RIMKLA: variants seen among roughly 807,000 people sequenced by gnomAD.
The protein encoded by RIMKLA is N-acetylaspartylglutamate synthase A.
RIMKLA carries 14 observed loss-of-function variants against 32.7 expected under a neutral mutation model. The ratio of observed to expected loss-of-function variants is 0.43; its 90% CI spans 0.28 to 0.67. RIMKLA has a LOEUF of 0.67. Ranked by LOEUF, RIMKLA falls within the 30% of genes least tolerant of loss-of-function variation. RIMKLA has a pLI of 0.18. For missense variants in RIMKLA, 410 were observed against 519.0 expected, an observed-to-expected ratio of 0.79 and a Z score of 2.04; for synonymous variants, 176 against 204.1, an observed-to-expected ratio of 0.86 and a Z score of 1.18.
rs900595625 is a variant in RIMKLA at position 42,398,948 on chromosome 1, C to T, written c.164-456C>T. Among the ~76,000 whole-genome samples the T allele has an allele frequency of 2.7e-5, 3 of 109,756 alleles. No individual in the cohort carries two copies. The Admixed American group carries it at 3.8e-4, about 14-fold the overall frequency. The allele number at this position is 109,756 out of a possible 152,430, so 72.0% of individuals were successfully genotyped here. A position where few individuals can be genotyped will look rare whatever the true frequency, so the allele number is the denominator to read the frequency against. On this transcript the variant is annotated intron_variant, in intron 1 of 4. Transcript: ENST00000431473. ...TGCCACTGCACTCTAACCTGGGTGA[C>T]AGAGTAAGACCCTGTCTTTAAAAAA...
In RIMKLA at chr1:42,415,464, A is replaced by G. The variant is rs1437712960; in HGVS notation, c.*490A>G. On this transcript the variant is annotated 3_prime_UTR_variant, in exon 5 of 5. Transcript: ENST00000431473. ...GAGGATCGATCTCTGCTCCCCATCA[A>G]TCACCATCTTGACCATATTTCTCCG... 1.3e-5 allele frequency: 2 copies of G among 154,328 alleles called. No individual in the cohort carries two copies. The highest frequency in any genetic ancestry group is 6.4e-5 in the Admixed American group (1 of 15,710). The allele number at this position is 154,328 out of a possible 1,614,324, so 9.6% of individuals were successfully genotyped here. A position where few individuals can be genotyped will look rare whatever the true frequency, so the allele number is the denominator to read the frequency against.
chr1:42,397,163 C>T (rs888929906), intron 1 of RIMKLA, among the ~76,000 whole-genome samples: 2 of 152,124 alleles, frequency 1.3e-5, no homozygotes, highest in African/African-American at 4.8e-5. Context: ...TGTTCCTACC[C>T]CTCCCCTTTT....
chr1:42,414,363 C>A, intron 4 of RIMKLA, 121 bp from the exon 5 acceptor site: 2 of 1,026,982 alleles, frequency 1.9e-6, no homozygotes, highest in Non-Finnish European at 1.4e-6. Context: ...TCCATCCAGA[C>A]CTTTTGTGAT....
intron 1 of RIMKLA, among the ~76,000 whole-genome samples, chr1:42,385,823 CCTTCCTTTCTTTCTTTCTTTCT>C (rs1557749841): frequency 4.6e-5 from 4 of 87,160 alleles, no homozygotes; most frequent in African/African-American, 1.6e-4. Context: ...TTCCTTCCTT[CCTTCCTTTCTTTCTTTCTTTCT>C]CTTTCTTTCT....
intron 4 of RIMKLA, among the ~76,000 whole-genome samples, chr1:42,410,810 T>C (rs1185552276): frequency 1.4e-5 from 2 of 144,744 alleles, no homozygotes; most frequent in African/African-American, 5.0e-5. Context: ...ACTGAATGAG[T>C]TTATATGTTG....
intron 2 of RIMKLA, among the ~76,000 whole-genome samples, chr1:42,402,116 T>A (rs1455531735): frequency 6.6e-6 from 1 of 152,204 alleles, no homozygotes; most frequent in Non-Finnish European, 1.5e-5. Flanking sequence ...TTTTCTTTTT[T>A]AAAAATCATT....
At chr1:42,413,278 G>C (rs1435573875) in intron 4 of RIMKLA, among the ~76,000 whole-genome samples, 1 of 152,046 alleles carries the variant, frequency 6.6e-6, no homozygotes, top group Non-Finnish European at 1.5e-5. Context: ...AAGACAGGTG[G>C]ATCACCTGAG....
rs1386264077 is a variant in RIMKLA at position 42,422,393 on chromosome 1, C to A, written c.*7419C>A. 2 of 152,222 alleles carry A rather than the reference C, an allele frequency of 1.3e-5. No homozygotes were observed. The highest frequency in any genetic ancestry group is 2.9e-5 in the Non-Finnish European group (2 of 68,040). The allele number at this position is 152,222 out of a possible 1,614,324, so 9.4% of individuals were successfully genotyped here. On this transcript the variant is annotated 3_prime_UTR_variant, in exon 5 of 5. Transcript: ENST00000431473. Reference sequence around the variant, plus strand: ...TTCCCTCCAGGAAAGTGGACTGTAGCTTTTCCTGCCTAACTGGCAAAATGA... The same window carrying A: ...TTCCCTCCAGGAAAGTGGACTGTAGATTTTCCTGCCTAACTGGCAAAATGA...
At position 42,420,389 on chromosome 1, in the gene RIMKLA, C is replaced by T. The variant is rs1472220697; in HGVS notation, c.*5415C>T. On this transcript the variant is annotated 3_prime_UTR_variant, in exon 5 of 5. Coordinates refer to ENST00000431473, the MANE Select transcript of RIMKLA (RefSeq NM_173642.4). ...AGATGCTACAACAGTGCAGACTCGGCACCCCATTTATAGAATGTTCTTTTT... is the reference window on the plus strand; with the variant it reads ...AGATGCTACAACAGTGCAGACTCGGTACCCCATTTATAGAATGTTCTTTTT... The T allele has an allele frequency of 6.6e-6, 1 of 152,166 alleles. No individual in the cohort carries two copies. Among genetic ancestry groups the T allele is most frequent in the Non-Finnish European group, 1.5e-5 (1 of 68,028 alleles). 9.4% of individuals were successfully genotyped at this position (152,166 alleles called of 1,614,324 possible). A position where few individuals can be genotyped will look rare whatever the true frequency, so the allele number is the denominator to read the frequency against.
chr1:42,386,569 C>T (rs186325304), intron 1 of RIMKLA, among the ~76,000 whole-genome samples: 7 of 132,912 alleles, frequency 5.3e-5, no homozygotes, highest in South Asian at 2.3e-4. Context: ...TTATAGAGAC[C>T]CTGTCTCTAT....
rs1643252664 is a variant in RIMKLA, at chr1:42,416,827, G to T, written c.*1853G>T. 1.3e-5 allele frequency: 2 copies of T among 152,228 alleles called. No individual in the cohort carries two copies. Among genetic ancestry groups the T allele is most frequent in the African/African-American group, 4.8e-5 (2 of 41,456 alleles). The allele number at this position is 152,228 out of a possible 1,614,324, so 9.4% of individuals were successfully genotyped here. ...AACCAGATCTCACCAAGTAATAGTT[G>T]TGCAATTGACAAATGTTTGGTGCCA... is the stretch of plus-strand genomic sequence containing the variant. On this transcript the variant is annotated 3_prime_UTR_variant, in exon 5 of 5. Transcript: ENST00000431473.
rs1215520172 is a variant in RIMKLA at position 42,381,012 on chromosome 1, C to G, written c.78C>G (p.Leu26=). ...CGCAGGTGCAGATCCTGCGCGCCCTCCGGCAGCGCTGCTCCGAGCAGGACG... is the reference window on the plus strand; with the variant it reads ...CGCAGGTGCAGATCCTGCGCGCCCTGCGGCAGCGCTGCTCCGAGCAGGACG... ...DYPQVQILRA[L]RQRCSEQDVR... Residue 26 remains leucine (L), a synonymous_variant, in exon 1 of 5, where the codon CTC becomes CTG. Transcript: ENST00000431473. 27 of 1,428,854 alleles carry G rather than the reference C, an allele frequency of 1.9e-5. No homozygotes were observed. Among genetic ancestry groups the G allele is most frequent in the South Asian group, 7.1e-5 (5 of 70,288 alleles). The allele number at this position is 1,428,854 out of a possible 1,614,324, so 88.5% of individuals were successfully genotyped here.
intron 1 of RIMKLA, among the ~76,000 whole-genome samples, chr1:42,389,561 C>G (rs912870447): frequency 6.6e-6 from 1 of 152,146 alleles, no homozygotes. Context: ...CCTGTAATTC[C>G]AGCACTTTGG....
At chr1:42,413,501 C>CAAAAAAAAAAAAAAAAAAAAAAAA (rs201462707) in intron 4 of RIMKLA, among the ~76,000 whole-genome samples, 1 of 125,586 alleles carries the variant, frequency 8.0e-6, no homozygotes. Flanking sequence ...AAGAGTCTCT[C>CAAAAAAAAAAAAAAAAAAAAAAAA]AAAAAAAAAA....
At chr1:42,387,270 AAAAT>A (rs1474821979) in intron 1 of RIMKLA, among the ~76,000 whole-genome samples, 2 of 151,712 alleles carry the variant, frequency 1.3e-5, no homozygotes, top group Non-Finnish European at 2.9e-5. Context: ...CAAAAAATAA[AAAAT>A]AAAAAATAGC....
chr1:42,419,539 C>T lies in RIMKLA; in HGVS notation c.*4565C>T, dbSNP rs531231430. On this transcript the variant is annotated 3_prime_UTR_variant, in exon 5 of 5. Transcript: ENST00000431473. ...CTCAGGCAGTCTGATTCCTCATCCA[C>T]TTTGGCATACTGCCAGAGGTAGCTC... is the stretch of plus-strand genomic sequence containing the variant. The T allele has an allele frequency of 3.9e-5, 6 of 152,422 alleles. No homozygotes were observed. The South Asian group carries it at 1.2e-3, about 32-fold the overall frequency. The allele number at this position is 152,422 out of a possible 1,614,324, so 9.4% of individuals were successfully genotyped here. A position where few individuals can be genotyped will look rare whatever the true frequency, so the allele number is the denominator to read the frequency against.
At chr1:42,396,465 A>G (rs1002645283) in intron 1 of RIMKLA, 2 of 152,214 alleles carry the variant, frequency 1.3e-5, no homozygotes, top group African/African-American at 4.8e-5. Context: ...AGCCAGGCCC[A>G]AAGATTTACC....
intron 1 of RIMKLA, among the ~76,000 whole-genome samples, chr1:42,385,831 T>C (rs55730627): frequency 0.021 from 1,115 of 52,712 alleles, 30 homozygotes; most frequent in Non-Finnish European, 0.027. Context: ...TTCCTTCCTT[T>C]CTTTCTTTCT....
At chr1:42,389,770 T>C (rs112845650) in intron 1 of RIMKLA, among the ~76,000 whole-genome samples, 22,812 of 151,800 alleles carry the variant, frequency 0.15, 1,795 homozygotes, top group East Asian at 0.22. Flanking sequence ...GCAGAGATCG[T>C]GCCACTGCAC....
Sources: allele counts gnomAD v4.1 joint callset (sites outside exome capture counted in the v4.1 genomes callset), GRCh38; gene constraint gnomAD v4.1.1; transcripts MANE v1.5; gene names NCBI Gene and HGNC (gene_info 2026-07-23, HGNC 2026-07-21).